GRIK1: variants seen among roughly 807,000 people sequenced by gnomAD.
GRIK1 encodes glutamate ionotropic receptor kainate type subunit 1.
A neutral mutation model predicts 105.7 loss-of-function variants in GRIK1; 69 were observed. The observed-to-expected ratio is 0.65, with a 90% CI of 0.54 to 0.80. The LOEUF (loss-of-function observed/expected upper bound fraction) is 0.80, where lower values mean the gene tolerates loss of function less well. GRIK1 is among the 30% of genes least tolerant of loss of function. The pLI is 0.00. For missense variants in GRIK1, 1,109 were observed against 1,167.3 expected, an observed-to-expected ratio of 0.95 and a Z score of 0.73; for synonymous variants, 438 against 431.3, an observed-to-expected ratio of 1.02 and a Z score of -0.19.
At chr21:29,743,918 G>A (rs796290452) in intron 1 of GRIK1, among the ~76,000 whole-genome samples, 13 of 152,202 alleles carry the variant, frequency 8.5e-5, no homozygotes, top group African/African-American at 2.9e-4. Flanking sequence ...CACACACTGG[G>A]ACCTTTCACT....
rs976693276 is a variant in GRIK1, at chr21:29,897,477, G to A, written c.118+41906C>T. 1.1e-4 allele frequency among the ~76,000 whole-genome samples: 17 copies of A among 152,264 alleles called. No individual in the cohort carries two copies. The East Asian group carries it at 1.7e-3, about 16-fold the overall frequency. On this transcript the variant is annotated intron_variant, in intron 1 of 17. Transcript: ENST00000327783. ...TTCAAACATGTATTTTCCTCTATAG[G>A]TCAGGCTCACTTTGCACATAATTAG...
intron 1 of GRIK1, among the ~76,000 whole-genome samples, chr21:29,895,149 G>T (rs1052246459): frequency 6.6e-6 from 1 of 152,134 alleles, no homozygotes; most frequent in Non-Finnish European, 1.5e-5. Context: ...GGCTGACTTG[G>T]AGGCAAAAAG....
chr21:29,848,300 C>A (rs1290304308), intron 1 of GRIK1, among the ~76,000 whole-genome samples: 3 of 152,128 alleles, frequency 2.0e-5, no homozygotes, highest in Admixed American at 1.3e-4. Flanking sequence ...CCAACAGTAT[C>A]ACTGTCTGGC....
chr21:29,769,019 T>C (rs1416510965), intron 1 of GRIK1, among the ~76,000 whole-genome samples: 1 of 152,184 alleles, frequency 6.6e-6, no homozygotes, highest in African/African-American at 2.4e-5. Context: ...ATTATTGTTG[T>C]TCTTTAAATT....
intron 1 of GRIK1, among the ~76,000 whole-genome samples, chr21:29,773,651 C>A (rs1042336835): frequency 1.3e-5 from 2 of 152,030 alleles, no homozygotes; most frequent in African/African-American, 4.8e-5. Flanking sequence ...AACAACCTCT[C>A]GTACACCATA....
chr21:29,912,093 T>C (rs548330623), intron 1 of GRIK1, among the ~76,000 whole-genome samples: 1 of 151,954 alleles, frequency 6.6e-6, no homozygotes, highest in African/African-American at 2.4e-5. Flanking sequence ...AAAGTGGATA[T>C]GGTAAAATGA....
At chr21:29,891,424 C>G (rs1030973639) in intron 1 of GRIK1, among the ~76,000 whole-genome samples, 1 of 152,284 alleles carries the variant, frequency 6.6e-6, no homozygotes, top group African/African-American at 2.4e-5. Flanking sequence ...GGATTTCATT[C>G]CATTATAATC....
chr21:29,763,954 C>G (rs914304403), intron 1 of GRIK1: 17 of 151,740 alleles, frequency 1.1e-4, no homozygotes, highest in African/African-American at 4.1e-4. Context: ...CATCCAAGTA[C>G]TGAATAAAAT....
At chr21:29,867,044 A>G (rs559135515) in intron 1 of GRIK1, among the ~76,000 whole-genome samples, 1 of 152,336 alleles carries the variant, frequency 6.6e-6, no homozygotes, top group South Asian at 2.1e-4. Context: ...AATAAATTAC[A>G]TACAAAACAT....
intron 12 of GRIK1, among the ~76,000 whole-genome samples, chr21:29,582,953 A>T (rs2091053729): frequency 6.6e-6 from 1 of 152,184 alleles, no homozygotes; most frequent in Non-Finnish European, 1.5e-5. Context: ...TATGAAAAGC[A>T]GGGCATGCTG....
chr21:29,876,061 A>C (rs1005387331), intron 1 of GRIK1, among the ~76,000 whole-genome samples: 1 of 151,138 alleles, frequency 6.6e-6, no homozygotes, highest in African/African-American at 2.4e-5. Context: ...AGTCACACCT[A>C]ATGGTTGTTT....
At chr21:29,711,782 T>G (rs115758355) in intron 1 of GRIK1, among the ~76,000 whole-genome samples, 27 of 152,236 alleles carry the variant, frequency 1.8e-4, no homozygotes, top group African/African-American at 6.3e-4. Flanking sequence ...ATGCACACAT[T>G]ATTTCCTCAT....
rs775590067 is a variant in GRIK1, at chr21:29,577,063, C to G, written c.2031G>C (p.Glu677Asp). Residue 677 changes from glutamate to aspartate, a missense_variant, in exon 14 of 18, where the codon GAG (glutamate) becomes GAC (aspartate). Coordinates refer to ENST00000327783, the MANE Select transcript of GRIK1 (RefSeq NM_001330994.2). ...CCGAATCTATGGGGGATTCCATTCT[C>G]TCTACTGTCAAGAAGGCAGCCAGAT... ...TANLAAFLTVERMESPIDSAD... is the reference protein window; with the variant it reads ...TANLAAFLTVDRMESPIDSAD... The G allele has an allele frequency of 6.2e-7, 1 of 1,613,406 alleles. No individual in the cohort carries two copies. The highest frequency in any genetic ancestry group is 1.3e-5 in the African/African-American group (1 of 75,002).
chr21:29,926,142 T>A (rs1380795283), intron 1 of GRIK1, among the ~76,000 whole-genome samples: 1 of 151,812 alleles, frequency 6.6e-6, no homozygotes, highest in South Asian at 2.1e-4. Context: ...ATGTATAGTT[T>A]AACATATTTC....
At chr21:29,568,162 A>G (rs1327082350) in intron 14 of GRIK1, among the ~76,000 whole-genome samples, 1 of 152,196 alleles carries the variant, frequency 6.6e-6, no homozygotes, top group Admixed American at 6.5e-5. Context: ...GACCTCATAG[A>G]TTTCTTCCCA....
At chr21:29,735,803 C>T (rs972487755) in intron 1 of GRIK1, among the ~76,000 whole-genome samples, 2 of 148,810 alleles carry the variant, frequency 1.3e-5, no homozygotes, top group South Asian at 2.1e-4. Context: ...AGGCTGATCG[C>T]GCCACTGCAC....
At chr21:29,852,246 G>A (rs1206907098) in intron 1 of GRIK1, among the ~76,000 whole-genome samples, 1 of 152,084 alleles carries the variant, frequency 6.6e-6, no homozygotes, top group Non-Finnish European at 1.5e-5. Flanking sequence ...TACTTAAATA[G>A]TTAGTTCTCT....
At chr21:29,699,839 G>A (rs528931488) in intron 1 of GRIK1, among the ~76,000 whole-genome samples, 1 of 151,954 alleles carries the variant, frequency 6.6e-6, no homozygotes, top group African/African-American at 2.4e-5. Flanking sequence ...AGTACAGAGA[G>A]GGTTTCGGCA....
At chr21:29,567,673 A>C (rs2090642632) in intron 14 of GRIK1, among the ~76,000 whole-genome samples, 1 of 152,224 alleles carries the variant, frequency 6.6e-6, no homozygotes, top group Non-Finnish European at 1.5e-5. Flanking sequence ...GATTTAAGAC[A>C]ACCCTTAAAA....
Sources: allele counts gnomAD v4.1 joint callset (sites outside exome capture counted in the v4.1 genomes callset), GRCh38; gene constraint gnomAD v4.1.1; transcripts MANE v1.5; gene names NCBI Gene and HGNC (gene_info 2026-07-23, HGNC 2026-07-21).